NMD3: variants seen among roughly 807,000 people sequenced by gnomAD.
NMD3 encodes NMD3 ribosome export adaptor, also known as 60S ribosomal export protein NMD3.
NMD3 carries 47 observed loss-of-function variants against 73.1 expected under a neutral mutation model. The ratio of observed to expected loss-of-function variants is 0.64; its 90% confidence interval spans 0.51 to 0.82. NMD3 has a LOEUF of 0.82. Ranked by LOEUF, NMD3 falls within the 40% of genes least tolerant of loss-of-function variation. NMD3 has a pLI of 0.00. For missense variants in NMD3, 554 were observed against 612.5 expected (o/e 0.90, Z 1.01); for synonymous variants, 210 against 194.5 (o/e 1.08, Z -0.66).
chr3:161,230,235 A>G (rs1446384338), intron 4 of NMD3, among the ~76,000 whole-genome samples: 1 of 152,142 alleles, frequency 6.6e-6, no homozygotes, highest in Non-Finnish European at 1.5e-5. Flanking sequence ...AGTAGTTGGT[A>G]CTACAAACAT....
At chr3:161,241,012 A>G (rs1341771832) in intron 9 of NMD3, 34 bp from the exon 10 acceptor site, 2 of 1,307,884 alleles carry the variant, frequency 1.5e-6, no homozygotes, top group Non-Finnish European at 2.2e-6. Context: ...TATTTAGGAT[A>G]TGCCTCATTC....
At chr3:161,222,182 T>C in intron 2 of NMD3, 125 bp downstream of exon 2, 2 of 755,824 alleles carry the variant, frequency 2.6e-6, no homozygotes, top group South Asian at 3.1e-5. Flanking sequence ...TGGGAAAAAA[T>C]AGAAGTCTTA....
chr3:161,240,128 A>G (rs1421618052), intron 9 of NMD3, among the ~76,000 whole-genome samples: 2 of 152,240 alleles, frequency 1.3e-5, no homozygotes, highest in Non-Finnish European at 2.9e-5. Flanking sequence ...AAACTCATGT[A>G]TTAAAAACCA....
downstream of NMD3, chr3:161,252,764 T>G (rs77817856): frequency 4.4e-6 from 3 of 676,934 alleles, no homozygotes; most frequent in Non-Finnish European, 8.0e-6. Flanking sequence ...CATTTTTTTT[T>G]GTAGCCAAAT....
At chr3:161,221,463 G>A (rs1736074826) in intron 1 of NMD3, 54 bp downstream of exon 1, 1 of 152,348 alleles carries the variant, frequency 6.6e-6, no homozygotes, top group Non-Finnish European at 1.5e-5. Context: ...CTGAGTAGCG[G>A]ATGGGGCGGG....
intron 9 of NMD3, among the ~76,000 whole-genome samples, chr3:161,240,819 C>A (rs1245153141): frequency 6.7e-6 from 1 of 150,012 alleles, no homozygotes; most frequent in African/African-American, 2.4e-5. Context: ...CAGGAGTGAG[C>A]CAGCGTGCTC....
At chr3:161,234,032 G>A (rs952336300) in intron 5 of NMD3, among the ~76,000 whole-genome samples, 3 of 152,234 alleles carry the variant, frequency 2.0e-5, no homozygotes, top group South Asian at 2.1e-4. Context: ...TGGGTTTTTG[G>A]ATTTGGAATG....
intron 4 of NMD3, among the ~76,000 whole-genome samples, chr3:161,228,326 C>T (rs75350527): frequency 0.031 from 4,755 of 152,110 alleles, 259 homozygotes; most frequent in African/African-American, 0.11. Flanking sequence ...CACTTTTTGG[C>T]GCTTCTGGCA....
At chr3:161,244,368 A>G (rs183119668) in intron 11 of NMD3, among the ~76,000 whole-genome samples, 43 of 152,272 alleles carry the variant, frequency 2.8e-4, no homozygotes, top group Middle Eastern at 3.4e-3. Flanking sequence ...AGCTCAAGCA[A>G]TCCTCCTGCC....
At position 161,229,392 on chromosome 3, in the gene NMD3, T is replaced by G. The variant is rs1005612710; in HGVS notation, c.276+2049T>G. ...ACAGATTTTGGATCTATTTTTAAGG[T>G]AGTAACATTTACTGATGTAGCTGGA... is the stretch of plus-strand genomic sequence containing the variant. On this transcript the variant is annotated intron_variant, in intron 4 of 15. Coordinates refer to ENST00000351193, the MANE Select transcript of NMD3 (RefSeq NM_015938.5). 3.9e-5 allele frequency among the ~76,000 whole-genome samples: 6 copies of G among 152,284 alleles called. No homozygotes were observed. In the South Asian group the frequency reaches 1.0e-3, roughly 26 times the overall value.
chr3:161,231,106 G>A (rs575328575), intron 4 of NMD3, among the ~76,000 whole-genome samples: 1 of 152,308 alleles, frequency 6.6e-6, no homozygotes, highest in South Asian at 2.1e-4. Flanking sequence ...TAGCCTAGTG[G>A]CTAAGGTGAA....
At chr3:161,229,926 A>C (rs2108079625) in intron 4 of NMD3, among the ~76,000 whole-genome samples, 1 of 152,278 alleles carries the variant, frequency 6.6e-6, no homozygotes, top group East Asian at 1.9e-4. Context: ...AATGTGGACG[A>C]CCTTAATAAC....
At chr3:161,236,110 A>G (rs1736745785) in intron 7 of NMD3, among the ~76,000 whole-genome samples, 1 of 152,092 alleles carries the variant, frequency 6.6e-6, no homozygotes, top group East Asian at 1.9e-4. Flanking sequence ...TCTGAGTACT[A>G]TAATGGGTCT....
chr3:161,234,946 C>G, intron 6 of NMD3, 91 bp downstream of exon 6: 1 of 1,321,402 alleles, frequency 7.6e-7, no homozygotes, highest in Non-Finnish European at 1.1e-6. Context: ...CAGGGATAGT[C>G]TGGGTCCCTG....
At chr3:161,225,766 C>A (rs1430950825) in intron 3 of NMD3, among the ~76,000 whole-genome samples, 6 of 151,934 alleles carry the variant, frequency 3.9e-5, no homozygotes, top group Non-Finnish European at 2.9e-5. Flanking sequence ...TTCATGGACT[C>A]CTTTGAGAAT....
chr3:161,223,083 C>A (rs1159981616), intron 2 of NMD3: 1 of 152,252 alleles, frequency 6.6e-6, no homozygotes, highest in African/African-American at 2.4e-5. Context: ...ATTATACTTC[C>A]CTCCGGACAA....
intron 4 of NMD3, among the ~76,000 whole-genome samples, chr3:161,228,286 T>G (rs1736401238): frequency 6.6e-6 from 1 of 152,156 alleles, no homozygotes; most frequent in African/African-American, 2.4e-5. Context: ...TCCTACTAGG[T>G]CCCAGCCAAC....
rs1243735292 is a variant in NMD3 at position 161,247,332 on chromosome 3, T to C, written c.1203+2T>C. 3.8e-6 allele frequency: 6 copies of C among 1,598,826 alleles called. No homozygotes were observed. In the African/African-American group the frequency reaches 8.0e-5, roughly 21 times the overall value. ...AACTCAGATAGAGTTCCAGATGTGG[T>C]AAGGCTTTAGATTTTTCCCTTTTTT... On this transcript the variant is annotated splice_donor_variant, in intron 13 of 15. Transcript: ENST00000351193. LOFTEE classifies it high-confidence loss of function.
At chr3:161,242,428 C>G in intron 10 of NMD3, 80 bp from the exon 11 acceptor site, 2 of 1,314,912 alleles carry the variant, frequency 1.5e-6, no homozygotes, top group Non-Finnish European at 2.1e-6. Context: ...TGGTATCTAC[C>G]AGTTTATTCT....
Sources: gnomAD v4.1 joint callset for allele counts (sites outside exome capture counted in the v4.1 genomes callset) on GRCh38, gnomAD v4.1.1 for gene constraint, MANE v1.5 for transcripts, NCBI Gene and HGNC (gene_info 2026-07-23, HGNC 2026-07-21) for gene names.